The following AK5 variants were observed in gnomAD, a reference collection of about 807,000 sequenced individuals.
The protein encoded by AK5 is adenylate kinase isoenzyme 5.
A neutral mutation model predicts 69.5 loss-of-function variants in AK5; 27 were observed. The ratio of observed to expected loss-of-function variants is 0.39; its 90% CI spans 0.29 to 0.54. The LOEUF (loss-of-function observed/expected upper bound fraction) is 0.54. Among genes scored for constraint, AK5 ranks in the 20% least tolerant of loss-of-function variants. The probability of loss-of-function intolerance (pLI) is 0.71; values close to 1 mark genes in which losing one functional copy is unlikely to be tolerated. For synonymous variants in AK5, 260 were observed against 244.4 expected (o/e 1.06, Z -0.60); for missense variants, 531 against 700.4 (o/e 0.76, Z 2.73).
intron 11 of AK5, among the ~76,000 whole-genome samples, chr1:77,521,578 A>G (rs950027337): frequency 6.6e-6 from 1 of 152,242 alleles, no homozygotes; most frequent in Non-Finnish European, 1.5e-5. Flanking sequence ...TGGTAAGAAT[A>G]TACCAGTAAG....
rs1173494472 is a variant in AK5 at position 77,367,557 on chromosome 1, T to TTA, written c.891+27010_891+27011dup. On this transcript the variant is annotated intron_variant, in intron 6 of 13. Transcript: ENST00000354567. ...TTGCCCAGACTCATTTATGTTATTTTTATATATATATATATATATATAATA... is the reference window on the plus strand; with the variant it reads ...TTGCCCAGACTCATTTATGTTATTTTTATATATATATATATATATATATAATA... Among the ~76,000 whole-genome samples the TTA allele has an allele frequency of 4.7e-4, 28 of 59,404 alleles. 2 individuals are homozygous for TTA. The highest frequency in any genetic ancestry group is 2.5e-3 in the African/African-American group (28 of 11,332). The allele number at this position is 59,404 out of a possible 152,430, so 39.0% of individuals were successfully genotyped here.
intron 12 of AK5, among the ~76,000 whole-genome samples, chr1:77,528,077 T>A (rs1362872796): frequency 6.6e-6 from 1 of 152,064 alleles, no homozygotes; most frequent in Non-Finnish European, 1.5e-5. Flanking sequence ...ATAATAATAA[T>A]AAAACCTGAC....
chr1:77,501,146 G>A (rs1656694239), intron 10 of AK5, among the ~76,000 whole-genome samples: 1 of 152,220 alleles, frequency 6.6e-6, no homozygotes, highest in African/African-American at 2.4e-5. Flanking sequence ...TTGCAAGCAG[G>A]GAGATTCCAA....
chr1:77,423,138 G>A (rs2351032), intron 8 of AK5, among the ~76,000 whole-genome samples: 51,135 of 149,210 alleles, frequency 0.34, 10,842 homozygotes, highest in Non-Finnish European at 0.48. Flanking sequence ...GGAGAATGGC[G>A]TGAACCCGGG....
intron 12 of AK5, among the ~76,000 whole-genome samples, chr1:77,530,146 G>A (rs1384730913): frequency 6.6e-6 from 1 of 152,234 alleles, no homozygotes. Context: ...GGAATGTCCA[G>A]TTGGTGTGTT....
At chr1:77,543,900 T>C (rs1427448397) in intron 13 of AK5, among the ~76,000 whole-genome samples, 16 of 151,860 alleles carry the variant, frequency 1.1e-4, no homozygotes, top group Admixed American at 7.9e-4. Flanking sequence ...GAGTAGACTG[T>C]ATATATTTAT....
chr1:77,456,933 A>AG (rs1385477767), intron 8 of AK5, among the ~76,000 whole-genome samples: 3 of 152,048 alleles, frequency 2.0e-5, no homozygotes, highest in Admixed American at 6.6e-5. Context: ...AAAAAAAAAA[A>AG]AAAGTCAATG....
chr1:77,510,776 C>T (rs1056777086), intron 10 of AK5, among the ~76,000 whole-genome samples: 1 of 152,024 alleles, frequency 6.6e-6, no homozygotes, highest in Non-Finnish European at 1.5e-5. Flanking sequence ...ATTTCAGGCA[C>T]TGTGTTTGTG....
chr1:77,507,681 T>G (rs1442496569), intron 10 of AK5, among the ~76,000 whole-genome samples: 1 of 152,212 alleles, frequency 6.6e-6, no homozygotes, highest in Non-Finnish European at 1.5e-5. Context: ...TCATAATAAT[T>G]ATTCATTCAT....
chr1:77,367,554 T>TATATATATATATATATATATG (rs59508312), intron 6 of AK5, among the ~76,000 whole-genome samples: 2 of 28,588 alleles, frequency 7.0e-5, no homozygotes, highest in African/African-American at 9.3e-5. Flanking sequence ...ATTTATGTTA[T>TATATATATATATATATATATG]TTTTATATAT....
intron 6 of AK5, among the ~76,000 whole-genome samples, chr1:77,357,371 A>C (rs1253801737): frequency 6.6e-6 from 1 of 152,244 alleles, no homozygotes; most frequent in Non-Finnish European, 1.5e-5. Flanking sequence ...TTGCAAGATT[A>C]ATTAAGGATT....
intron 8 of AK5, among the ~76,000 whole-genome samples, chr1:77,467,777 G>A (rs1654230484): frequency 6.6e-6 from 1 of 152,178 alleles, no homozygotes; most frequent in South Asian, 2.1e-4. Flanking sequence ...GGGGAAGGAG[G>A]AGAGGAGGCT....
chr1:77,364,946 T>C (rs1557529957), intron 6 of AK5, among the ~76,000 whole-genome samples: 1 of 152,168 alleles, frequency 6.6e-6, no homozygotes, highest in Non-Finnish European at 1.5e-5. Context: ...GGAGCCTCCA[T>C]ACTGTTCTCC....
chr1:77,411,872 CT>C (rs1170526746), intron 7 of AK5, among the ~76,000 whole-genome samples: 1 of 152,170 alleles, frequency 6.6e-6, no homozygotes, highest in East Asian at 1.9e-4. Flanking sequence ...AGGTGGTAGT[CT>C]TTCTGGGCAG....
At chr1:77,557,269 G>T in intron 13 of AK5, 1 of 197,796 alleles carries the variant, frequency 5.1e-6, no homozygotes, top group South Asian at 1.0e-4. Flanking sequence ...TCTCCTGACT[G>T]ACCAAGGTCC....
Position 77,558,696 on chromosome 1 carries a change from T to C in AK5, c.*26T>C, listed in dbSNP as rs142470217. 38 of 1,462,130 alleles carry C rather than the reference T, an allele frequency of 2.6e-5. No homozygotes were observed. In the East Asian group the frequency reaches 8.6e-4, roughly 33 times the overall value. 90.6% of individuals were successfully genotyped at this position (1,462,130 alleles called of 1,614,324 possible). A position where few individuals can be genotyped will look rare whatever the true frequency, so the allele number is the denominator to read the frequency against. ...AGGCAAAAATGCATGTTTGTTAGAA[T>C]GGAAACAGAAAAACATTAAAAAGTT... is the stretch of plus-strand genomic sequence containing the variant. On this transcript the variant is annotated 3_prime_UTR_variant, in exon 14 of 14. Transcript: ENST00000354567.
chr1:77,374,262 G>A (rs1322407262), intron 6 of AK5, among the ~76,000 whole-genome samples: 1 of 152,096 alleles, frequency 6.6e-6, no homozygotes, highest in East Asian at 1.9e-4. Flanking sequence ...ATGCCCTTGG[G>A]CTTGCTTTTA....
At position 77,355,868 on chromosome 1, in the gene AK5, T is replaced by TACACACACACAC. The variant is rs66682700; in HGVS notation, c.891+15326_891+15337dup. Among the ~76,000 whole-genome samples, 771 of 146,232 alleles carry TACACACACACAC rather than the reference T, an allele frequency of 5.3e-3. 8 individuals carry two copies. Among genetic ancestry groups the TACACACACACAC allele is most frequent in the African/African-American group, 0.018 (707 of 39,452 alleles). On this transcript the variant is annotated intron_variant, in intron 6 of 13. Coordinates refer to ENST00000354567, the MANE Select transcript of AK5 (RefSeq NM_174858.3). ...GAATTTTTTGATGACCCTCATTAAA[T>TACACACACACAC]ACACACACACACACACACACACACA...
intron 5 of AK5, among the ~76,000 whole-genome samples, chr1:77,308,458 ATC>A (rs749087753): frequency 1.2e-4 from 6 of 52,122 alleles, no homozygotes; most frequent in East Asian, 1.4e-3. Context: ...AAAAAAAAAA[ATC>A]TTTTTCTCAT....
Sources: allele counts gnomAD v4.1 joint callset (sites outside exome capture counted in the v4.1 genomes callset), GRCh38; gene constraint gnomAD v4.1.1; transcripts MANE v1.5; gene names NCBI Gene and HGNC (gene_info 2026-07-23, HGNC 2026-07-21).